XKR7: variants seen among roughly 807,000 people sequenced by gnomAD.
XKR7 encodes XK related 7.
Under a neutral mutation model 42.2 loss-of-function variants are expected in XKR7, and 11 were observed. The ratio of observed to expected loss-of-function variants is 0.26; its 90% confidence interval spans 0.16 to 0.43. The LOEUF (loss-of-function observed/expected upper bound fraction) is 0.43. XKR7 is among the 20% of genes least tolerant of loss of function. The pLI is 1.00. For missense variants in XKR7, 710 were observed against 802.2 expected, an observed-to-expected ratio of 0.89 and a Z score of 1.39; for synonymous variants, 346 against 366.4, an observed-to-expected ratio of 0.94 and a Z score of 0.64.
chr20:31,980,388 A>T (rs571759461), intron 1 of XKR7, among the ~76,000 whole-genome samples: 50 of 152,332 alleles, frequency 3.3e-4, no homozygotes, highest in African/African-American at 1.0e-3. Flanking sequence ...AACCCCCCGC[A>T]AAAGTTTCTG....
chr20:31,996,677 C>G lies in XKR7; in HGVS notation c.960C>G (p.Phe320Leu). 1 of 1,605,912 alleles carries G rather than the reference C, an allele frequency of 6.2e-7. No homozygotes were observed. The highest frequency in any genetic ancestry group is 8.5e-7 in the Non-Finnish European group (1 of 1,175,386). ...IAARGLAFAL[F>L]ASVYKLYFGI... ...CCCGCGGCCTGGCCTTCGCGCTCTT[C>G]GCCAGCGTCTACAAGCTCTATTTTG... The change falls in exon 3 of 3, where the codon TTC becomes TTG. Residue 320 changes from phenylalanine (F) to leucine (L), a missense_variant. Transcript: ENST00000562532.
Position 32,002,799 on chromosome 20 carries a change from A to G in XKR7, c.*5342A>G, listed in dbSNP as rs1203152195. 6.6e-6 allele frequency: 1 copy of G among 152,214 alleles called. No individual in the cohort carries two copies. The highest frequency in any genetic ancestry group is 1.5e-5 in the Non-Finnish European group (1 of 68,052). 9.4% of individuals were successfully genotyped at this position (152,214 alleles called of 1,614,324 possible). ...TATTTTATTGAGTTGCTTAATACAA[A>G]ATTCTCAAAAGCACTTGTGGGCACT... On this transcript the variant is annotated 3_prime_UTR_variant, in exon 3 of 3. Coordinates refer to ENST00000562532, the MANE Select transcript of XKR7 (RefSeq NM_001011718.2).
intron 1 of XKR7, among the ~76,000 whole-genome samples, chr20:31,977,097 T>G (rs2064488854): frequency 6.6e-6 from 1 of 152,192 alleles, no homozygotes; most frequent in African/African-American, 2.4e-5. Context: ...ATCCACAGCC[T>G]TTAAAACTGT....
At chr20:31,976,973 G>C (rs1267849534) in intron 1 of XKR7, among the ~76,000 whole-genome samples, 1 of 152,214 alleles carries the variant, frequency 6.6e-6, no homozygotes, top group Non-Finnish European at 1.5e-5. Context: ...GCTCTAGTGA[G>C]GTCTATGGTG....
At chr20:31,972,821 A>G (rs1301101205) in intron 1 of XKR7, among the ~76,000 whole-genome samples, 1 of 152,130 alleles carries the variant, frequency 6.6e-6, no homozygotes, top group Non-Finnish European at 1.5e-5. Flanking sequence ...TATGTCACCT[A>G]AGAAGCCCTG....
rs376886609 is a variant in XKR7 at position 31,996,166 on chromosome 20, C to T, written c.788-339C>T. On this transcript the variant is annotated intron_variant, in intron 2 of 2. Transcript: ENST00000562532. ...TCCTCTTCACCTCCTCTTCCACTCC[C>T]AGAGTCCCGGACCCTCATTTCCCAC... is the stretch of plus-strand genomic sequence containing the variant. 1.5e-4 allele frequency among the ~76,000 whole-genome samples: 23 copies of T among 152,050 alleles called. 1 individual carries two copies. The highest frequency in any genetic ancestry group is 5.5e-4 in the African/African-American group (23 of 41,448).
rs545436225 is a variant in XKR7, at chr20:31,992,145, AAAAC to A, written c.585-2915_585-2912del. Among the ~76,000 whole-genome samples the A allele has an allele frequency of 5.9e-5, 9 of 152,278 alleles. 1 individual carries two copies. In the East Asian group the frequency reaches 1.7e-3, roughly 29 times the overall value. On this transcript the variant is annotated intron_variant, in intron 1 of 2. Coordinates refer to ENST00000562532, the MANE Select transcript of XKR7 (RefSeq NM_001011718.2). ...AACAAAACAAAACAAAACAAAAACA[AAAAC>A]AAACAAAAAAACTGAGATCAAATGT...
intron 1 of XKR7, among the ~76,000 whole-genome samples, chr20:31,971,823 G>A (rs747959821): frequency 2.0e-5 from 3 of 152,148 alleles, no homozygotes. Context: ...GATACAAGGG[G>A]TGTCAGACAA....
chr20:31,992,564 G>A (rs969135745), intron 1 of XKR7, among the ~76,000 whole-genome samples: 6 of 152,212 alleles, frequency 3.9e-5, no homozygotes, highest in African/African-American at 1.4e-4. Context: ...TTCCAGCATG[G>A]CACAGGAGAG....
intron 1 of XKR7, among the ~76,000 whole-genome samples, chr20:31,976,493 T>A (rs952732264): frequency 6.6e-6 from 1 of 152,038 alleles, no homozygotes; most frequent in African/African-American, 2.4e-5. Context: ...CAAGCGATTC[T>A]CCTGCCTCAG....
In XKR7 at chr20:31,996,545, G is replaced by A; in HGVS notation, c.828G>A (p.Thr276=). The A allele has an allele frequency of 6.7e-7, 1 of 1,491,796 alleles. No individual in the cohort carries two copies. 92.4% of individuals were successfully genotyped at this position (1,491,796 alleles called of 1,614,324 possible). Residue 276 remains threonine (T), a synonymous_variant, in exon 3 of 3, where the codon ACG becomes ACA. Coordinates refer to ENST00000562532, the MANE Select transcript of XKR7 (RefSeq NM_001011718.2). The stretch of plus-strand genomic sequence containing the variant: ...CCTCCCTCGTGTCTCTGGCCTGGAC[G>A]CTGGCCTCCTACCAGAAGGTGCTGC... ...TSASLVSLAW[T]LASYQKVLRD... is the part of the protein sequence containing the mutation.
At chr20:31,991,232 T>G (rs1216382570) in intron 1 of XKR7, among the ~76,000 whole-genome samples, 1 of 152,130 alleles carries the variant, frequency 6.6e-6, no homozygotes, top group Non-Finnish European at 1.5e-5. Flanking sequence ...GGGTGTCACC[T>G]TCCCCCAACT....
rs1171513970 is a variant in XKR7, at chr20:31,998,047, G to A, written c.*590G>A. 4.5e-5 allele frequency: 6 copies of A among 133,674 alleles called. No homozygotes were observed. The highest frequency in any genetic ancestry group is 2.6e-4 in the East Asian group (1 of 3,812). 8.3% of individuals were successfully genotyped at this position (133,674 alleles called of 1,614,324 possible). ...GTGGGGCAGGGTGTTGGGGTGGGGGGCTGGCAGTGCTGGAGATGGATAGGA... is the reference window on the plus strand; with the variant it reads ...GTGGGGCAGGGTGTTGGGGTGGGGGACTGGCAGTGCTGGAGATGGATAGGA... On this transcript the variant is annotated 3_prime_UTR_variant, in exon 3 of 3. Transcript: ENST00000562532.
chr20:31,984,040 T>A (rs780621078), intron 1 of XKR7, among the ~76,000 whole-genome samples: 3 of 151,606 alleles, frequency 2.0e-5, no homozygotes, highest in African/African-American at 7.3e-5. Context: ...GTCAAGTGGA[T>A]CCCTTGAGGT....
intron 1 of XKR7, among the ~76,000 whole-genome samples, chr20:31,990,781 T>A (rs960035981): frequency 2.0e-5 from 3 of 152,226 alleles, no homozygotes; most frequent in African/African-American, 4.8e-5. Context: ...GAGCCAATTT[T>A]TTTTTTTCAG....
chr20:31,979,675 A>C (rs1198725981), intron 1 of XKR7, among the ~76,000 whole-genome samples: 2 of 152,076 alleles, frequency 1.3e-5, no homozygotes, highest in Non-Finnish European at 2.9e-5. Flanking sequence ...TCTCACACCC[A>C]GACTAGGGGC....
At chr20:31,985,109 C>T (rs2064531568) in intron 1 of XKR7, among the ~76,000 whole-genome samples, 1 of 152,198 alleles carries the variant, frequency 6.6e-6, no homozygotes, top group South Asian at 2.1e-4. Flanking sequence ...TGCAGACCTA[C>T]AGACTAACTA....
chr20:31,975,350 C>T (rs116627013), intron 1 of XKR7, among the ~76,000 whole-genome samples: 273 of 152,206 alleles, frequency 1.8e-3, no homozygotes, highest in African/African-American at 6.4e-3. Flanking sequence ...TGTCTTTCCT[C>T]CCTGCTCTAC....
chr20:31,994,687 C>A (rs1317484989), intron 1 of XKR7, among the ~76,000 whole-genome samples: 2 of 152,240 alleles, frequency 1.3e-5, no homozygotes, highest in African/African-American at 2.4e-5. Flanking sequence ...GCCTGGGTGA[C>A]AGAATGAGAC....
Sources: allele counts gnomAD v4.1 joint callset (sites outside exome capture counted in the v4.1 genomes callset), GRCh38; gene constraint gnomAD v4.1.1; transcripts MANE v1.5; gene names NCBI Gene and HGNC (gene_info 2026-07-23, HGNC 2026-07-21).